The following MTR variants were observed in gnomAD, a reference collection of about 807,000 sequenced individuals.
The protein encoded by MTR is methionine synthase.
Under a neutral mutation model 154.8 loss-of-function variants are expected in MTR, and 84 were observed. That is an observed-to-expected ratio of 0.54 (90% CI 0.45 to 0.65). MTR has a LOEUF of 0.65. Among genes scored for constraint, MTR ranks in the 30% least tolerant of loss-of-function variants. The probability of loss-of-function intolerance (pLI) is 0.00; values close to 1 mark genes in which losing one functional copy is unlikely to be tolerated. For missense variants in MTR, 1,275 were observed against 1,570.2 expected (o/e 0.81, Z 3.18); for synonymous variants, 554 against 553.9 (o/e 1.00, Z 0.00).
chr1:236,850,700 T>C (rs1663847269), intron 16 of MTR, among the ~76,000 whole-genome samples, 177 bp downstream of exon 16: 1 of 152,198 alleles, frequency 6.6e-6, no homozygotes, highest in African/African-American at 2.4e-5. Flanking sequence ...GAGTTTTAAC[T>C]TGTGTAACAA....
At chr1:236,882,539 C>T (rs899406671) in intron 25 of MTR, among the ~76,000 whole-genome samples, 1 of 152,070 alleles carries the variant, frequency 6.6e-6, no homozygotes, top group Non-Finnish European at 1.5e-5. Context: ...TACAGGTGTG[C>T]ACCACCACTT....
intron 1 of MTR, among the ~76,000 whole-genome samples, chr1:236,802,483 A>G (rs1056698109): frequency 6.6e-6 from 1 of 152,062 alleles, no homozygotes; most frequent in Non-Finnish European, 1.5e-5. Context: ...GAAGGGCTAG[A>G]TGAGGGAGCA....
intron 22 of MTR, among the ~76,000 whole-genome samples, chr1:236,864,251 T>A (rs77291205): frequency 0.033 from 4,983 of 152,276 alleles, 262 homozygotes; most frequent in African/African-American, 0.11. Flanking sequence ...TCCTTTTGAG[T>A]CATAGACTTC....
chr1:236,811,750 T>G (rs970633755), intron 5 of MTR: 6 of 454,332 alleles, frequency 1.3e-5, no homozygotes, highest in Non-Finnish European at 2.7e-5. Flanking sequence ...ACTGCATCTT[T>G]AAGCAAAATG....
chr1:236,885,522 C>T (rs1411880364), intron 26 of MTR, among the ~76,000 whole-genome samples: 3 of 152,144 alleles, frequency 2.0e-5, no homozygotes, highest in Admixed American at 6.5e-5. Flanking sequence ...TCATACTCAG[C>T]AGGGAAACAG....
At chr1:236,835,898 C>T (rs1373305209) in intron 14 of MTR, among the ~76,000 whole-genome samples, 1 of 152,076 alleles carries the variant, frequency 6.6e-6, no homozygotes, top group Non-Finnish European at 1.5e-5. Flanking sequence ...TGGCTTCAGC[C>T]TGGCTGTTTC....
chr1:236,860,983 C>A, intron 19 of MTR, 142 bp from the exon 20 acceptor site: 1 of 671,478 alleles, frequency 1.5e-6, no homozygotes, highest in Non-Finnish European at 2.5e-6. Context: ...GATAGGAAGC[C>A]AGATTGAGTC....
chr1:236,853,134 A>G lies in MTR; in HGVS notation c.1953+46A>G, dbSNP rs376596060. 5.0e-6 allele frequency: 8 copies of G among 1,596,172 alleles called. No individual in the cohort carries two copies. The African/African-American group carries it at 1.1e-4, about 21-fold the overall frequency. ...ATAGATGGATTTTTCCTATCTTTGA[A>G]TGTATTACTCACCTACAGTTAGTAG... On this transcript the variant is annotated intron_variant, in intron 18 of 32. Coordinates refer to ENST00000366577, the MANE Select transcript of MTR (RefSeq NM_000254.3).
chr1:236,865,977 A>AAGC lies in MTR; in HGVS notation c.2405+2425_2405+2427dup, dbSNP rs1325265345. 2.6e-5 allele frequency among the ~76,000 whole-genome samples: 4 copies of AAGC among 152,324 alleles called. No individual in the cohort carries two copies. In the East Asian group the frequency reaches 7.7e-4, roughly 29 times the overall value. On this transcript the variant is annotated intron_variant, in intron 22 of 32. Coordinates refer to ENST00000366577, the MANE Select transcript of MTR (RefSeq NM_000254.3). The stretch of plus-strand genomic sequence containing the variant: ...CACATGGCTAGCAAGTGTCATGGGC[A>AAGC]AGCACATTCAGGGCTTTTGGTTCTA...
rs546639969 is a variant in MTR, at chr1:236,809,165, T to G, written c.409+392T>G. Among the ~76,000 whole-genome samples the G allele has an allele frequency of 2.0e-4, 31 of 152,378 alleles. 1 individual carries two copies. The highest frequency in any genetic ancestry group is 7.8e-4 in the Admixed American group (12 of 15,308). On this transcript the variant is annotated intron_variant, in intron 4 of 32. Transcript: ENST00000366577. ...TGTTATTAGGATAATTGATCTCATT[T>G]TTTTAAAGCCACCCTCATTCCCATG...
intron 19 of MTR, among the ~76,000 whole-genome samples, chr1:236,860,188 C>T (rs1039329904): frequency 6.6e-6 from 1 of 150,854 alleles, no homozygotes; most frequent in African/African-American, 2.4e-5. Flanking sequence ...TGCTGCTAAA[C>T]ATCCTGCAGT....
chr1:236,798,244 A>G (rs1174187666), intron 1 of MTR, among the ~76,000 whole-genome samples: 1 of 152,198 alleles, frequency 6.6e-6, no homozygotes, highest in East Asian at 1.9e-4. Flanking sequence ...ATTTGGGGTC[A>G]TTTTACCTTC....
chr1:236,825,571 C>T (rs972265177), intron 10 of MTR, among the ~76,000 whole-genome samples, 172 bp downstream of exon 10: 3 of 152,210 alleles, frequency 2.0e-5, no homozygotes, highest in Non-Finnish European at 2.9e-5. Context: ...GGCTAACTGT[C>T]AGCATCCTTA....
chr1:236,901,259 G>A lies in MTR; in HGVS notation c.*3615G>A, dbSNP rs1253310400. On this transcript the variant is annotated 3_prime_UTR_variant, in exon 33 of 33. Transcript: ENST00000366577. ...TCAAGAGCAGCGTCAGGGGATTGTG[G>A]GGACTGTTGGCACACAGCTGGCTTT... 1 of 152,662 alleles carries A rather than the reference G, an allele frequency of 6.6e-6. No individual in the cohort carries two copies. Among genetic ancestry groups the A allele is most frequent in the Non-Finnish European group, 1.5e-5 (1 of 68,092 alleles). The allele number at this position is 152,662 out of a possible 1,614,324, so 9.5% of individuals were successfully genotyped here.
At chr1:236,818,678 A>G (rs1057259639) in intron 8 of MTR, among the ~76,000 whole-genome samples, 4 of 152,232 alleles carry the variant, frequency 2.6e-5, no homozygotes, top group African/African-American at 9.6e-5. Flanking sequence ...TGTGAAAAGG[A>G]TACATTTTCT....
Position 236,862,343 on chromosome 1 carries a change from G to C in MTR, c.2304G>C (p.Glu768Asp). The C allele has an allele frequency of 6.2e-7, 1 of 1,612,098 alleles. No individual in the cohort carries two copies. The highest frequency in any genetic ancestry group is 2.2e-5 in the East Asian group (1 of 44,870). Residue 768 changes from glutamate to aspartate, a missense_variant and splice_region_variant, in exon 21 of 33, where the codon GAG becomes GAC. Glu to Asp is a conservative substitution (Grantham distance 45). Transcript: ENST00000366577. ...TRVLNGTVEE[E>D]DPYQGTIVLA... ...TGCTTAACGGCACAGTAGAAGAAGA[G>C]GCAAGTCATTTTGTTCAGGCCTATG...
intron 30 of MTR, 126 bp from the exon 31 acceptor site, chr1:236,895,232 A>T: frequency 9.4e-7 from 1 of 1,066,096 alleles, no homozygotes; most frequent in Non-Finnish European, 1.4e-6. Flanking sequence ...CTCTTGTCAA[A>T]TTTCCCCTGG....
At chr1:236,822,924 G>A (rs765273752) in intron 8 of MTR, among the ~76,000 whole-genome samples, 2 of 152,122 alleles carry the variant, frequency 1.3e-5, no homozygotes, top group Non-Finnish European at 2.9e-5. Context: ...TAGCATTAAA[G>A]CATCTAGTTT....
chr1:236,815,698 T>G, intron 7 of MTR, 35 bp downstream of exon 7: 1 of 847,358 alleles, frequency 1.2e-6, no homozygotes, highest in Non-Finnish European at 1.7e-6. Flanking sequence ...TACATTCTTT[T>G]ATTAATAATT....
Sources: allele counts gnomAD v4.1 joint callset (sites outside exome capture counted in the v4.1 genomes callset), GRCh38; gene constraint gnomAD v4.1.1; transcripts MANE v1.5; gene names NCBI Gene and HGNC (gene_info 2026-07-23, HGNC 2026-07-21).